The following ERAP1 variants were observed in gnomAD, a reference collection of about 807,000 sequenced individuals.
The protein encoded by ERAP1 is adipocyte-derived leucine aminopeptidase.
ERAP1 carries 86 observed loss-of-function variants against 103.7 expected under a neutral mutation model. The ratio of observed to expected loss-of-function variants is 0.83; its 90% CI spans 0.70 to 0.99. The LOEUF is 0.99. ERAP1 is among the 50% of genes least tolerant of loss of function. The probability of loss-of-function intolerance (pLI) is 0.00; values close to 1 mark genes in which losing one functional copy is unlikely to be tolerated. For synonymous variants in ERAP1, 398 were observed against 402.4 expected (o/e 0.99, Z 0.13); for missense variants, 1,009 against 1,128.4 (o/e 0.89, Z 1.52).
chr5:96,858,300 C>T, the ERAP1 span, among the ~76,000 whole-genome samples: 6 of 151,700 alleles, frequency 4.0e-5, no homozygotes, highest in African/African-American at 9.7e-5. Context: ...CTCCAACCTC[C>T]GCTTCCTGGG....
Position 96,792,159 on chromosome 5 carries a change from T to C in ERAP1, c.1222A>G (p.Met408Val), listed in dbSNP as rs375684249. ...DYFFGKCFDAMEVDALNSSHP... is the reference protein window; with the variant it reads ...DYFFGKCFDAVEVDALNSSHP... ...GAGGAATTTAAAGCATCTACCTCCA[T>C]TGCGTCAAAACATTTGCCAAAGAAA... Residue 408 changes from methionine to valine, a missense_variant, in exon 8 of 19, where the codon ATG becomes GTG. Met to Val is a conservative substitution (Grantham distance 21). Coordinates refer to ENST00000443439, the MANE Select transcript of ERAP1 (RefSeq NM_001040458.3). The C allele has an allele frequency of 1.5e-4, 237 of 1,613,696 alleles. No homozygotes were observed. The highest frequency in any genetic ancestry group is 1.9e-4 in the Non-Finnish European group (229 of 1,179,710).
chr5:96,887,611 T>G, the ERAP1 span, among the ~76,000 whole-genome samples: 1 of 152,184 alleles, frequency 6.6e-6, no homozygotes. Context: ...TTTCCAACTG[T>G]TTTTTATAAC....
At chr5:96,806,891 AC>A (rs1387134979) in intron 1 of ERAP1, among the ~76,000 whole-genome samples, 6 of 150,592 alleles carry the variant, frequency 4.0e-5, no homozygotes, top group Admixed American at 1.3e-4. Context: ...TTCAGGCCGC[AC>A]CTGAAAATGT....
In ERAP1 at chr5:96,776,233, A is replaced by G. The variant is rs2150874176; in HGVS notation, c.*163T>C. ...AACACATGGTAGCGATAGCCCATTC[A>G]TGAAAAACTAACAGCTATTCTTTTC... On this transcript the variant is annotated 3_prime_UTR_variant, in exon 19 of 19. Coordinates refer to ENST00000443439, the MANE Select transcript of ERAP1 (RefSeq NM_001040458.3). The G allele has an allele frequency of 2.0e-6, 3 of 1,499,228 alleles. No individual in the cohort carries two copies. Among genetic ancestry groups the G allele is most frequent in the African/African-American group, 2.8e-5 (2 of 71,326 alleles). 92.9% of individuals were successfully genotyped at this position (1,499,228 alleles called of 1,614,324 possible). A position where few individuals can be genotyped will look rare whatever the true frequency, so the allele number is the denominator to read the frequency against.
Position 96,799,472 on chromosome 5 carries a change from A to G in ERAP1, c.663+1390T>C, listed in dbSNP as rs532744682. ...TCAAAAAAAAAAAAGAAGTTTTCCT[A>G]TCTTCACTAAGTGGATCCTGGATAT... On this transcript the variant is annotated intron_variant, in intron 3 of 18. Coordinates refer to ENST00000443439, the MANE Select transcript of ERAP1 (RefSeq NM_001040458.3). Among the ~76,000 whole-genome samples, 14 of 152,154 alleles carry G rather than the reference A, an allele frequency of 9.2e-5. No individual in the cohort carries two copies. In the South Asian group the frequency reaches 2.9e-3, roughly 32 times the overall value.
At chr5:96,770,181 C>G (rs1385613153), downstream of ERAP1, 1 of 237,446 alleles carries the variant, frequency 4.2e-6, no homozygotes, top group Non-Finnish European at 8.6e-6. Context: ...TACATCCCCA[C>G]TGACAGTGTA....
the ERAP1 span, among the ~76,000 whole-genome samples, chr5:96,846,624 A>C: frequency 2.0e-5 from 3 of 152,152 alleles, no homozygotes; most frequent in African/African-American, 7.2e-5. Context: ...CATTTCTAAT[A>C]AGCACCCAGG....
At chr5:96,814,496 G>T in the ERAP1 span, among the ~76,000 whole-genome samples, 1 of 152,134 alleles carries the variant, frequency 6.6e-6, no homozygotes. Flanking sequence ...AAAATAACTG[G>T]TGAGTGGATA....
the ERAP1 span, among the ~76,000 whole-genome samples, chr5:96,863,614 C>G: frequency 7.3e-6 from 1 of 136,248 alleles, no homozygotes; most frequent in South Asian, 2.2e-4. Context: ...TCTCTTTTTA[C>G]TCTGTATTTT....
chr5:96,773,035 A>G (rs1253373925), downstream of ERAP1: 1 of 153,882 alleles, frequency 6.5e-6, no homozygotes, highest in Non-Finnish European at 1.5e-5. Context: ...TAGTGTTTAG[A>G]AAACAATGTT....
chr5:96,827,309 T>G, the ERAP1 span, among the ~76,000 whole-genome samples: 1 of 152,154 alleles, frequency 6.6e-6, no homozygotes, highest in Admixed American at 6.5e-5. Flanking sequence ...CAGTTGGGGG[T>G]AGAAGACAAG....
chr5:96,859,824 C>A, the ERAP1 span, among the ~76,000 whole-genome samples: 4 of 152,134 alleles, frequency 2.6e-5, no homozygotes, highest in Admixed American at 2.6e-4. Context: ...GACCTATTGA[C>A]ATCAGCCTAA....
chr5:96,795,263 G>A (rs1412591689), intron 4 of ERAP1, 101 bp from the exon 5 acceptor site: 1 of 1,485,654 alleles, frequency 6.7e-7, no homozygotes, highest in Non-Finnish European at 9.2e-7. Flanking sequence ...TGTGGGATAT[G>A]GTTGCCAATA....
chr5:96,847,180 G>A, the ERAP1 span, among the ~76,000 whole-genome samples: 499 of 150,576 alleles, frequency 3.3e-3, 4 homozygotes, highest in Non-Finnish European at 5.6e-3. Context: ...CCCGGGAGGC[G>A]GAAGTTACAG....
rs1342582138 is a variant in ERAP1 at position 96,803,801 on chromosome 5, A to G, written c.126T>C (p.Ser42=). 1 of 1,614,202 alleles carries G rather than the reference A, an allele frequency of 6.2e-7. No homozygotes were observed. The highest frequency in any genetic ancestry group is 1.7e-5 in the Admixed American group (1 of 60,020). Residue 42 remains serine, a synonymous_variant, in exon 2 of 19, where the codon AGT becomes AGC. Coordinates refer to ENST00000443439, the MANE Select transcript of ERAP1 (RefSeq NM_001040458.3). ...TATTCCAAGGAAATGGTGTCCCATCACTACGTTTTGGAGATGCTTCAGTGC... is the reference window on the plus strand; with the variant it reads ...TATTCCAAGGAAATGGTGTCCCATCGCTACGTTTTGGAGATGCTTCAGTGC... ...CQSTEASPKR[S]DGTPFPWNKI... is the part of the protein sequence containing the mutation.
At chr5:96,813,006 C>T (rs961117581), upstream of ERAP1, among the ~76,000 whole-genome samples, 10 of 152,144 alleles carry the variant, frequency 6.6e-5, no homozygotes, top group African/African-American at 2.4e-4. Flanking sequence ...TTCTCCTTAT[C>T]TCATTTAAAC....
At chr5:96,909,464 T>G in the ERAP1 span, 1 of 798,078 alleles carries the variant, frequency 1.3e-6, no homozygotes, top group Non-Finnish European at 2.1e-6. Flanking sequence ...AGATACACTG[T>G]TTGGGGAAAG....
the ERAP1 span, among the ~76,000 whole-genome samples, chr5:96,813,647 T>C: frequency 3.9e-5 from 1 of 25,388 alleles, no homozygotes; most frequent in African/African-American, 1.5e-4. Context: ...GCAAGACTCA[T>C]CTCAAAAAAA....
At chr5:96,896,545 AGT>A in the ERAP1 span, 7 of 1,558,364 alleles carry the variant, frequency 4.5e-6, no homozygotes, top group South Asian at 1.1e-5. Context: ...TGCTTTCAGA[AGT>A]GTAATAATGA....
Sources: gnomAD v4.1 joint callset for allele counts (sites outside exome capture counted in the v4.1 genomes callset) on GRCh38, gnomAD v4.1.1 for gene constraint, MANE v1.5 for transcripts, NCBI Gene and HGNC (gene_info 2026-07-23, HGNC 2026-07-21) for gene names.